LCOR: variants seen among roughly 807,000 people sequenced by gnomAD.
LCOR encodes the protein ligand-dependent corepressor.
A neutral mutation model predicts 64.4 loss-of-function variants in LCOR; 14 were observed. That is an observed-to-expected ratio of 0.22 (90% CI 0.14 to 0.34). The LOEUF (loss-of-function observed/expected upper bound fraction) is 0.34, where lower values mean the gene tolerates loss of function less well. Ranked by LOEUF, LCOR falls within the 10% of genes least tolerant of loss-of-function variation. The pLI is 1.00. For synonymous variants in LCOR, 643 were observed against 642.5 expected, an observed-to-expected ratio of 1.00 and a Z score of -0.01; for missense variants, 1,686 against 1,765.3, an observed-to-expected ratio of 0.96 and a Z score of 0.80.
intron 2 of LCOR, among the ~76,000 whole-genome samples, chr10:96,857,048 TC>T (rs1845817320): frequency 6.6e-6 from 1 of 151,926 alleles, no homozygotes; most frequent in Non-Finnish European, 1.5e-5. Context: ...AATTCTTCAG[TC>T]ACCTGTGAAT....
chr10:96,884,501 C>T (rs538707452), intron 2 of LCOR, among the ~76,000 whole-genome samples: 1 of 152,194 alleles, frequency 6.6e-6, no homozygotes, highest in African/African-American at 2.4e-5. Flanking sequence ...GATATCCCCC[C>T]TCCCCAGTCA....
chr10:96,942,685 G>C (rs1306266328), intron 4 of LCOR, among the ~76,000 whole-genome samples: 1 of 152,046 alleles, frequency 6.6e-6, no homozygotes, highest in Non-Finnish European at 1.5e-5. Flanking sequence ...CTTAGGATGG[G>C]AAATCATAGA....
chr10:96,919,757 C>T (rs868788601), intron 4 of LCOR, among the ~76,000 whole-genome samples: 1 of 152,098 alleles, frequency 6.6e-6, no homozygotes, highest in African/African-American at 2.4e-5. Flanking sequence ...TAGTATTTGT[C>T]GTTTTGTGAC....
chr10:96,928,839 G>C (rs2134485609), intron 4 of LCOR, among the ~76,000 whole-genome samples: 1 of 152,330 alleles, frequency 6.6e-6, no homozygotes, highest in South Asian at 2.1e-4. Context: ...AATGGGTATT[G>C]TGTTAGTAGG....
At chr10:96,950,027 C>A (rs1157036415) in intron 6 of LCOR, among the ~76,000 whole-genome samples, 1 of 152,062 alleles carries the variant, frequency 6.6e-6, no homozygotes, top group Non-Finnish European at 1.5e-5. Context: ...TCTCATTTTA[C>A]CTTTAATTTC....
intron 4 of LCOR, among the ~76,000 whole-genome samples, chr10:96,927,340 CATT>C (rs1486593459): frequency 2.0e-5 from 3 of 151,410 alleles, no homozygotes; most frequent in African/African-American, 4.9e-5. Flanking sequence ...TTTTAGAAAA[CATT>C]ATTATAAGTT....
chr10:96,920,790 A>ACACACG (rs763958510), intron 4 of LCOR, among the ~76,000 whole-genome samples: 6 of 85,298 alleles, frequency 7.0e-5, no homozygotes, highest in Non-Finnish European at 1.1e-4. Flanking sequence ...ACACACACAC[A>ACACACG]CGCGCGGTGG....
Position 96,984,504 on chromosome 10 carries a change from C to T in LCOR, c.4044C>T (p.Ser1348=), listed in dbSNP as rs537292176. The change falls in exon 8 of 8, where the codon AGC becomes AGT. Residue 1348 remains serine (S), a synonymous_variant. Coordinates refer to ENST00000421806, the MANE Select transcript of LCOR (RefSeq NM_001346516.2). ...TGGAAAGTAAGCCAAGTCGTAAGAGCGTATGCATCAACCCTCTGATGTCCC... is the reference window on the plus strand; with the variant it reads ...TGGAAAGTAAGCCAAGTCGTAAGAGTGTATGCATCAACCCTCTGATGTCCC... The part of the protein sequence containing the change: ...LAVESKPSRK[S]VCINPLMSPK... 4.8e-5 allele frequency: 78 copies of T among 1,614,168 alleles called. 1 individual carries two copies. In the South Asian group the frequency reaches 7.1e-4, roughly 15 times the overall value.
chr10:96,886,243 AGTAATCAGTTC>A (rs1445810160), intron 2 of LCOR, among the ~76,000 whole-genome samples: 2 of 152,216 alleles, frequency 1.3e-5, no homozygotes, highest in Non-Finnish European at 2.9e-5. Flanking sequence ...TCAGAACTTT[AGTAATCAGTTC>A]ATCACCACAT....
chr10:96,838,668 T>C (rs1845487641), intron 2 of LCOR, among the ~76,000 whole-genome samples: 5 of 152,236 alleles, frequency 3.3e-5, no homozygotes, highest in Admixed American at 3.3e-4. Context: ...CTTTGTTTCT[T>C]TTATGGCTAA....
chr10:96,843,146 A>G (rs1478358797), intron 2 of LCOR, among the ~76,000 whole-genome samples: 9 of 151,858 alleles, frequency 5.9e-5, no homozygotes, highest in Admixed American at 5.9e-4. Flanking sequence ...TTTTTTGGAG[A>G]CAAGGTCTGG....
chr10:96,856,985 A>T (rs1425131204), intron 2 of LCOR, among the ~76,000 whole-genome samples: 1 of 151,990 alleles, frequency 6.6e-6, no homozygotes, highest in African/African-American at 2.4e-5. Flanking sequence ...TTCAGGAAGT[A>T]GAAAAAATAG....
intron 2 of LCOR, among the ~76,000 whole-genome samples, chr10:96,860,927 A>C (rs917057794): frequency 6.6e-6 from 1 of 152,218 alleles, no homozygotes; most frequent in Non-Finnish European, 1.5e-5. Context: ...AAGAAAGAGT[A>C]TGTTTGGGGC....
chr10:96,875,831 A>C (rs1359266007), intron 2 of LCOR, among the ~76,000 whole-genome samples: 1 of 152,082 alleles, frequency 6.6e-6, no homozygotes, highest in South Asian at 2.1e-4. Context: ...GCACCACTGC[A>C]CTCCAGCCTG....
intron 7 of LCOR, among the ~76,000 whole-genome samples, chr10:96,970,312 C>T (rs1032809747): frequency 1.3e-5 from 2 of 151,904 alleles, no homozygotes; most frequent in East Asian, 2.0e-4. Context: ...GCACAAGAAT[C>T]GCTTGAGCCC....
chr10:96,906,665 T>G (rs190825977), intron 2 of LCOR, among the ~76,000 whole-genome samples: 47 of 152,318 alleles, frequency 3.1e-4, no homozygotes, highest in Admixed American at 1.7e-3. Flanking sequence ...CTCTTTTTTT[T>G]GTATGTACAA....
intron 2 of LCOR, among the ~76,000 whole-genome samples, chr10:96,874,080 A>G (rs1263366933): frequency 6.6e-6 from 1 of 152,238 alleles, no homozygotes; most frequent in Non-Finnish European, 1.5e-5. Flanking sequence ...TTACTAAAAT[A>G]GAAAACATTA....
chr10:96,909,860 C>G (rs1589648687), intron 4 of LCOR, among the ~76,000 whole-genome samples: 1 of 151,972 alleles, frequency 6.6e-6, no homozygotes, highest in African/African-American at 2.4e-5. Flanking sequence ...AATTGAAGTT[C>G]ATAATTTTAA....
chr10:96,947,551 TA>T (rs963475788), intron 5 of LCOR, among the ~76,000 whole-genome samples: 2 of 152,176 alleles, frequency 1.3e-5, no homozygotes, highest in African/African-American at 4.8e-5. Flanking sequence ...CTTCTATAGC[TA>T]ATCTTTAAAA....
Sources: gnomAD v4.1 joint callset for allele counts (sites outside exome capture counted in the v4.1 genomes callset) on GRCh38, gnomAD v4.1.1 for gene constraint, MANE v1.5 for transcripts, NCBI Gene and HGNC (gene_info 2026-07-23, HGNC 2026-07-21) for gene names.